TSPAN9: variants seen among roughly 807,000 people sequenced by gnomAD.
TSPAN9 encodes the protein tetraspanin 9.
A neutral mutation model predicts 31.0 loss-of-function variants in TSPAN9; 16 were observed. The observed-to-expected ratio is 0.52, with a 90% CI of 0.35 to 0.78. The LOEUF (loss-of-function observed/expected upper bound fraction) is 0.78. Among genes scored for constraint, TSPAN9 ranks in the 30% least tolerant of loss-of-function variants. The pLI is 0.01. For missense variants in TSPAN9, 272 were observed against 312.5 expected (o/e 0.87, Z 0.98); for synonymous variants, 145 against 121.6 (o/e 1.19, Z -1.27).
intron 2 of TSPAN9, among the ~76,000 whole-genome samples, chr12:3,112,715 G>A (rs1591633382): frequency 9.4e-6 from 1 of 106,882 alleles, no homozygotes; most frequent in Non-Finnish European, 1.7e-5. Flanking sequence ...GTCTCACTCT[G>A]TCACCCAGGC....
intron 3 of TSPAN9, among the ~76,000 whole-genome samples, chr12:3,227,600 A>T (rs1024991916): frequency 9.2e-5 from 14 of 152,174 alleles, no homozygotes; most frequent in African/African-American, 3.1e-4. Flanking sequence ...ATGGGTCATG[A>T]GGGAGTGTTT....
intron 3 of TSPAN9, among the ~76,000 whole-genome samples, chr12:3,268,874 G>C (rs1342421507): frequency 7.9e-5 from 8 of 100,876 alleles, no homozygotes; most frequent in African/African-American, 2.0e-4. Flanking sequence ...CCTGCCCTCT[G>C]TGCGTTCCTG....
intron 2 of TSPAN9, among the ~76,000 whole-genome samples, chr12:3,131,298 C>T (rs1464890124): frequency 6.6e-6 from 1 of 152,136 alleles, no homozygotes; most frequent in Non-Finnish European, 1.5e-5. Flanking sequence ...CACATGCAAG[C>T]AAGCGACAGT....
intron 3 of TSPAN9, among the ~76,000 whole-genome samples, chr12:3,202,656 A>G (rs1462334702): frequency 6.6e-6 from 1 of 152,092 alleles, no homozygotes; most frequent in Non-Finnish European, 1.5e-5. Flanking sequence ...GGGGGCAGGC[A>G]TCCTCATCTT....
At chr12:3,149,443 C>A (rs1445011337) in intron 2 of TSPAN9, among the ~76,000 whole-genome samples, 1 of 152,206 alleles carries the variant, frequency 6.6e-6, no homozygotes, top group East Asian at 1.9e-4. Context: ...AAGTCTCTAA[C>A]AACCTTGCAT....
At chr12:3,153,461 GCTTT>G (rs1469249646) in intron 2 of TSPAN9, among the ~76,000 whole-genome samples, 2 of 151,756 alleles carry the variant, frequency 1.3e-5, no homozygotes, top group African/African-American at 2.4e-5. Context: ...TGTTCTATTT[GCTTT>G]CTTTAACATT....
intron 2 of TSPAN9, among the ~76,000 whole-genome samples, chr12:3,129,121 AT>A (rs750850393): frequency 1.8e-4 from 27 of 152,280 alleles, no homozygotes; most frequent in African/African-American, 3.6e-4. Flanking sequence ...TGGCTGAGTA[AT>A]ATTCCATTGT....
intron 5 of TSPAN9, 123 bp downstream of exon 5, chr12:3,279,189 G>A (rs961231803): frequency 3.5e-6 from 3 of 861,812 alleles, no homozygotes. Flanking sequence ...TGTGCAGAAA[G>A]GAACATGGAA....
At chr12:3,131,054 C>G (rs2098329616) in intron 2 of TSPAN9, among the ~76,000 whole-genome samples, 1 of 151,946 alleles carries the variant, frequency 6.6e-6, no homozygotes, top group Non-Finnish European at 1.5e-5. Context: ...ATCTCCTCGC[C>G]TCCTTTGACG....
chr12:3,205,998 G>A (rs2098374940), intron 3 of TSPAN9, among the ~76,000 whole-genome samples: 2 of 152,202 alleles, frequency 1.3e-5, no homozygotes, highest in South Asian at 4.1e-4. Context: ...AGGAGGGGGT[G>A]GGGAGGAGGC....
At chr12:3,224,163 C>T (rs535272879) in intron 3 of TSPAN9, among the ~76,000 whole-genome samples, 1 of 152,340 alleles carries the variant, frequency 6.6e-6, no homozygotes, top group South Asian at 2.1e-4. Flanking sequence ...TCAGACATAG[C>T]CTACTCCTTC....
chr12:3,267,463 C>T (rs1487131377), intron 3 of TSPAN9, among the ~76,000 whole-genome samples: 1 of 152,188 alleles, frequency 6.6e-6, no homozygotes, highest in Non-Finnish European at 1.5e-5. Context: ...GCTCCAAGTC[C>T]TGAGGTCTGG....
intron 2 of TSPAN9, among the ~76,000 whole-genome samples, chr12:3,105,754 A>ACACGCG (rs1555141383): frequency 1.1e-5 from 1 of 91,510 alleles, no homozygotes; most frequent in Non-Finnish European, 2.6e-5. Flanking sequence ...ACACTCACAC[A>ACACGCG]CACGCACACA....
At chr12:3,149,061 C>T (rs1336260878) in intron 2 of TSPAN9, among the ~76,000 whole-genome samples, 1 of 152,204 alleles carries the variant, frequency 6.6e-6, no homozygotes. Flanking sequence ...ATTTGTCTCT[C>T]TGGGAGGGCC....
chr12:3,217,764 C>A (rs1371335970), intron 3 of TSPAN9, among the ~76,000 whole-genome samples: 2 of 152,052 alleles, frequency 1.3e-5, no homozygotes, highest in Non-Finnish European at 2.9e-5. Flanking sequence ...TGCTTCCAGG[C>A]CTTCTCTAGC....
At chr12:3,169,096 C>T (rs763547373) in intron 2 of TSPAN9, among the ~76,000 whole-genome samples, 172 of 152,322 alleles carry the variant, frequency 1.1e-3, no homozygotes, top group Non-Finnish European at 2.1e-3. Flanking sequence ...TTTTCACCCG[C>T]CTGTGAGTTC....
intron 3 of TSPAN9, among the ~76,000 whole-genome samples, chr12:3,228,887 C>CCT (rs1403071924): frequency 1.3e-5 from 2 of 152,216 alleles, no homozygotes; most frequent in African/African-American, 4.8e-5. Context: ...TCCTTCCTTG[C>CCT]CTCTCCCAGC....
At chr12:3,279,912 C>T (rs779886313) in intron 5 of TSPAN9, among the ~76,000 whole-genome samples, 1 of 151,934 alleles carries the variant, frequency 6.6e-6, no homozygotes, top group East Asian at 1.9e-4. Flanking sequence ...TGTTCAACAT[C>T]GGGTAGAACA....
At chr12:3,136,562 G>T (rs895989415) in intron 2 of TSPAN9, among the ~76,000 whole-genome samples, 4 of 152,212 alleles carry the variant, frequency 2.6e-5, no homozygotes, top group Non-Finnish European at 5.9e-5. Context: ...TTCTGAGTCG[G>T]GGTGGCTCTC....
Sources: allele counts gnomAD v4.1 joint callset (sites outside exome capture counted in the v4.1 genomes callset), GRCh38; gene constraint gnomAD v4.1.1; transcripts MANE v1.5; gene names NCBI Gene and HGNC (gene_info 2026-07-23, HGNC 2026-07-21).